NACC2: variants seen among roughly 807,000 people sequenced by gnomAD.
The protein encoded by NACC2 is NACC family member 2.
NACC2 carries 8 observed loss-of-function variants against 25.1 expected under a neutral mutation model. The observed-to-expected ratio is 0.32, with a 90% CI of 0.19 to 0.57. The LOEUF is 0.57. Among genes scored for constraint, NACC2 ranks in the 20% least tolerant of loss-of-function variants. The pLI is 0.89. For missense variants in NACC2, 644 were observed against 650.2 expected (o/e 0.99, Z 0.10); for synonymous variants, 435 against 294.7 (o/e 1.48, Z -4.88).
chr9:136,051,466 G>A (rs1840834975), intron 1 of NACC2, among the ~76,000 whole-genome samples: 1 of 152,204 alleles, frequency 6.6e-6, no homozygotes, highest in South Asian at 2.1e-4. Flanking sequence ...GGACCCCGGG[G>A]CTGGGAGCTG....
chr9:136,038,714 A>G (rs944857815), intron 2 of NACC2, among the ~76,000 whole-genome samples: 10 of 152,332 alleles, frequency 6.6e-5, no homozygotes, highest in African/African-American at 2.4e-4. Context: ...CATTAGCACA[A>G]AGGACTGGAG....
In NACC2 at chr9:136,055,902, G is replaced by A. The variant is rs886315228; in HGVS notation, c.-59-5322C>T. Among the ~76,000 whole-genome samples the A allele has an allele frequency of 1.3e-5, 2 of 152,168 alleles. No individual in the cohort carries two copies. The highest frequency in any genetic ancestry group is 2.9e-5 in the Non-Finnish European group (2 of 68,032). ...CGCTCCTGGAGCGTGAGAAGGTGTG[G>A]GGATGGGGCGGGCCTGCTGTGCCAG... On this transcript the variant is annotated intron_variant, in intron 1 of 5. Transcript: ENST00000277554. The surrounding 1 kb of genome is among the most constrained non-coding windows in gnomAD (Gnocchi z 4.9).
In NACC2 at chr9:136,008,457, A is replaced by G. The variant is rs1840056678; in HGVS notation, c.*3059T>C. On this transcript the variant is annotated 3_prime_UTR_variant, in exon 6 of 6. Transcript: ENST00000277554. ...AACGTAGCTCTGTAATAGATTCTAT[A>G]TAGGATATGCGTATTGCTAATAGTC... 1 of 152,300 alleles carries G rather than the reference A, an allele frequency of 6.6e-6. No individual in the cohort carries two copies. Among genetic ancestry groups the G allele is most frequent in the African/African-American group, 2.4e-5 (1 of 41,446 alleles). 9.4% of individuals were successfully genotyped at this position (152,300 alleles called of 1,614,324 possible).
chr9:136,091,556 A>G (rs1001323068), intron 1 of NACC2, among the ~76,000 whole-genome samples: 3 of 152,230 alleles, frequency 2.0e-5, no homozygotes, highest in Non-Finnish European at 4.4e-5. Flanking sequence ...CCGGTCCCGG[A>G]GTTCATGTCC....
rs1013943734 is a variant in NACC2 at position 136,051,158 on chromosome 9, G to T, written c.-59-578C>A. Among the ~76,000 whole-genome samples, 848 of 152,322 alleles carry T rather than the reference G, an allele frequency of 5.6e-3. 6 individuals are homozygous for T. The highest frequency in any genetic ancestry group is 9.5e-3 in the Admixed American group (146 of 15,306). Reference sequence around the variant, plus strand: ...GGCCAGCGTCCCCTAGTCCCCCTGAGCCTCCCGGGCAGGTAGGGAATGGCT... The same window carrying T: ...GGCCAGCGTCCCCTAGTCCCCCTGATCCTCCCGGGCAGGTAGGGAATGGCT... On this transcript the variant is annotated intron_variant, in intron 1 of 5. Coordinates refer to ENST00000277554, the MANE Select transcript of NACC2 (RefSeq NM_144653.5).
chr9:136,050,234 C>T lies in NACC2; in HGVS notation c.288G>A (p.Glu96=). ...YTGRLTMTAS[E]QLVVMYTAGF... is the part of the protein sequence containing the mutation. The stretch of plus-strand genomic sequence containing the variant: ...CGGCCGTGTACATGACCACGAGCTG[C>T]TCGCTGGCCGTCATGGTGAGCCTGC... Residue 96 remains glutamate, a synonymous_variant, in exon 2 of 6, where the codon GAG becomes GAA. Transcript: ENST00000277554. The T allele has an allele frequency of 1.3e-6, 1 of 772,432 alleles. No individual in the cohort carries two copies. 47.8% of individuals were successfully genotyped at this position (772,432 alleles called of 1,614,324 possible). A position where few individuals can be genotyped will look rare whatever the true frequency, so the allele number is the denominator to read the frequency against.
intron 1 of NACC2, among the ~76,000 whole-genome samples, chr9:136,073,049 T>C (rs948908769): frequency 6.6e-6 from 1 of 151,998 alleles, no homozygotes; most frequent in Non-Finnish European, 1.5e-5. Flanking sequence ...AAGACACAGG[T>C]AATGGGATGA....
At chr9:136,046,957 G>A (rs972411743) in intron 2 of NACC2, among the ~76,000 whole-genome samples, 7 of 152,182 alleles carry the variant, frequency 4.6e-5, no homozygotes, top group African/African-American at 1.7e-4. Flanking sequence ...CGCGAGAGAG[G>A]GTGGAACAGG....
intron 3 of NACC2, among the ~76,000 whole-genome samples, chr9:136,016,053 G>C (rs188279015): frequency 6.6e-6 from 1 of 152,146 alleles, no homozygotes; most frequent in Non-Finnish European, 1.5e-5. Context: ...TCAGGAATGC[G>C]ACCAGCCCAG....
chr9:136,041,823 C>G (rs1840637198), intron 2 of NACC2, among the ~76,000 whole-genome samples: 1 of 152,142 alleles, frequency 6.6e-6, no homozygotes, highest in Non-Finnish European at 1.5e-5. Context: ...GGGGAAATTA[C>G]AGTGGCAAGA....
chr9:136,016,580 G>A, intron 2 of NACC2, 151 bp from the exon 3 acceptor site: 1 of 896,992 alleles, frequency 1.1e-6, no homozygotes, highest in South Asian at 1.7e-5. Flanking sequence ...CCGCTCTCCT[G>A]CTGGCCTGGG....
intron 1 of NACC2, among the ~76,000 whole-genome samples, chr9:136,090,885 AG>A (rs1830427773): frequency 6.6e-6 from 1 of 151,708 alleles, no homozygotes; most frequent in Non-Finnish European, 1.5e-5. Flanking sequence ...CGTTCACCCC[AG>A]TGACTATATA....
At chr9:136,067,696 G>A (rs561429274) in intron 1 of NACC2, among the ~76,000 whole-genome samples, 16 of 152,332 alleles carry the variant, frequency 1.1e-4, no homozygotes, top group East Asian at 5.8e-4. Flanking sequence ...TTAGCCGAGC[G>A]TGGTGGCGGG....
At position 136,014,727 on chromosome 9, in the gene NACC2, T is replaced by C. The variant is rs374423616; in HGVS notation, c.1052-758A>G. The stretch of plus-strand genomic sequence containing the variant: ...GACGGAATCCCCTGGCTGGAGGGTA[T>C]GGCTGGAGCTTTGCAGGGCCCAGTG... On this transcript the variant is annotated intron_variant, in intron 3 of 5. Transcript: ENST00000277554. Among the ~76,000 whole-genome samples, 8 of 152,308 alleles carry C rather than the reference T, an allele frequency of 5.3e-5. No homozygotes were observed. In the East Asian group the frequency reaches 9.6e-4, roughly 18 times the overall value.
At chr9:136,023,614 G>A (rs568983343) in intron 2 of NACC2, among the ~76,000 whole-genome samples, 3 of 152,328 alleles carry the variant, frequency 2.0e-5, no homozygotes, top group African/African-American at 4.8e-5. Context: ...CTCCGACAGG[G>A]ATCCCAGCGA....
chr9:136,055,882 CTGG>C lies in NACC2; in HGVS notation c.-59-5305_-59-5303del, dbSNP rs1391111438. Among the ~76,000 whole-genome samples the C allele has an allele frequency of 6.6e-6, 1 of 152,136 alleles. No homozygotes were observed. Among genetic ancestry groups the C allele is most frequent in the Non-Finnish European group, 1.5e-5 (1 of 68,024 alleles). Reference sequence around the variant, plus strand: ...CCTAAAAGGTCAATCGAAGGCGCTCCTGGAGCGTGAGAAGGTGTGGGGATGGGG... The same window carrying C: ...CCTAAAAGGTCAATCGAAGGCGCTCCAGCGTGAGAAGGTGTGGGGATGGGG... On this transcript the variant is annotated intron_variant, in intron 1 of 5. Transcript: ENST00000277554. The surrounding 1 kb of genome is among the most constrained non-coding windows in gnomAD (Gnocchi z 4.9).
chr9:136,011,711 G>A lies in NACC2; in HGVS notation c.1569C>T (p.Asn523=), dbSNP rs775267093. The A allele has an allele frequency of 6.6e-7, 1 of 1,511,002 alleles. No homozygotes were observed. Among genetic ancestry groups the A allele is most frequent in the Non-Finnish European group, 8.8e-7 (1 of 1,131,312 alleles). 93.6% of individuals were successfully genotyped at this position (1,511,002 alleles called of 1,614,324 possible). The change falls in exon 6 of 6, where the codon AAC becomes AAT. Residue 523 remains asparagine, a synonymous_variant. Coordinates refer to ENST00000277554, the MANE Select transcript of NACC2 (RefSeq NM_144653.5). ...CCTCCTCGCCGGCGTCGAAGGCGGG[G>A]TTGGCGGCGGCACTCAGGTCAACAT... ...AVNVDLSAAA[N]PAFDAGEEVD...
intron 5 of NACC2, among the ~76,000 whole-genome samples, chr9:136,012,786 G>A (rs971297688): frequency 1.3e-5 from 2 of 152,182 alleles, no homozygotes; most frequent in Non-Finnish European, 2.9e-5. Context: ...CACATCTGGG[G>A]CGCGGGCCGG....
intron 1 of NACC2, among the ~76,000 whole-genome samples, chr9:136,081,531 T>C (rs1830325026): frequency 6.6e-6 from 1 of 152,230 alleles, no homozygotes; most frequent in Non-Finnish European, 1.5e-5. Context: ...CCTCGTGACG[T>C]TTCTTGGAAA....
Sources: gnomAD v4.1 joint callset for allele counts (sites outside exome capture counted in the v4.1 genomes callset) on GRCh38, gnomAD v4.1.1 for gene constraint, Gnocchi (gnomAD v3.1) non-coding constraint, MANE v1.5 for transcripts, NCBI Gene and HGNC (gene_info 2026-07-23, HGNC 2026-07-21) for gene names.